The following METTL15 variants were observed in gnomAD, a reference collection of about 807,000 sequenced individuals.
The protein encoded by METTL15 is 12S rRNA N(4)-cytidine methyltransferase METTL15.
METTL15 carries 34 observed loss-of-function variants against 38.3 expected under a neutral mutation model. The observed-to-expected ratio is 0.89, with a 90% CI of 0.68 to 1.18. The LOEUF is 1.18. Among genes scored for constraint, METTL15 ranks in the 50% most tolerant of loss-of-function variants. The pLI is 0.00. For synonymous variants in METTL15, 162 were observed against 170.9 expected, an observed-to-expected ratio of 0.95 and a Z score of 0.41; for missense variants, 438 against 498.4, an observed-to-expected ratio of 0.88 and a Z score of 1.15.
chr11:28,341,691 T>C (rs1849954127), intron 3 of METTL15, among the ~76,000 whole-genome samples: 1 of 152,248 alleles, frequency 6.6e-6, no homozygotes, highest in Admixed American at 6.5e-5. Flanking sequence ...GTTTTTGTTT[T>C]AGTTACCGTT....
At chr11:28,179,082 G>C (rs1393393831) in intron 3 of METTL15, among the ~76,000 whole-genome samples, 1 of 149,564 alleles carries the variant, frequency 6.7e-6, no homozygotes, top group Non-Finnish European at 1.5e-5. Context: ...TTTAAATAGA[G>C]AGAGAAAATG....
At chr11:28,406,689 G>T (rs1056232364) in intron 5 of METTL15, among the ~76,000 whole-genome samples, 2 of 151,990 alleles carry the variant, frequency 1.3e-5, no homozygotes, top group African/African-American at 2.4e-5. Context: ...TTTCTCTTGC[G>T]TGATTGCCCT....
At chr11:28,291,222 G>A (rs936832326) in intron 5 of METTL15, among the ~76,000 whole-genome samples, 1 of 151,694 alleles carries the variant, frequency 6.6e-6, no homozygotes, top group African/African-American at 2.4e-5. Context: ...AATTATTTTT[G>A]TATTAGTAGA....
intron 4 of METTL15, among the ~76,000 whole-genome samples, chr11:28,268,031 A>T (rs1334542833): frequency 6.6e-6 from 1 of 151,580 alleles, no homozygotes; most frequent in African/African-American, 2.4e-5. Flanking sequence ...CCCCGTCTCT[A>T]CTAAAAATAC....
intron 5 of METTL15, among the ~76,000 whole-genome samples, chr11:28,407,656 A>G (rs1162073735): frequency 2.0e-5 from 3 of 152,130 alleles, no homozygotes; most frequent in Non-Finnish European, 4.4e-5. Flanking sequence ...TAAAGAAACA[A>G]CAGATGTTGG....
intron 6 of METTL15, among the ~76,000 whole-genome samples, chr11:28,499,183 G>C (rs1400229774): frequency 6.6e-6 from 1 of 152,104 alleles, no homozygotes; most frequent in African/African-American, 2.4e-5. Context: ...CCTGCCCCTT[G>C]GACCTTTGCC....
intron 6 of METTL15, among the ~76,000 whole-genome samples, chr11:28,475,891 G>C (rs1164185936): frequency 6.6e-6 from 1 of 152,108 alleles, no homozygotes; most frequent in Non-Finnish European, 1.5e-5. Context: ...CAAATTTGGG[G>C]GCCTGCCTCT....
chr11:28,317,023 A>T, intron 6 of METTL15, among the ~76,000 whole-genome samples: 1 of 152,204 alleles, frequency 6.6e-6, no homozygotes, highest in East Asian at 1.9e-4. Flanking sequence ...AAAAATAGTT[A>T]TGAAAAATTT....
intron 6 of METTL15, among the ~76,000 whole-genome samples, chr11:28,512,024 T>C (rs1851678723): frequency 6.6e-6 from 1 of 151,772 alleles, no homozygotes; most frequent in Admixed American, 6.6e-5. Flanking sequence ...AGAGTGTCGA[T>C]TGGTGCATTC....
chr11:28,193,451 A>G (rs1851774573), intron 3 of METTL15, among the ~76,000 whole-genome samples: 1 of 151,930 alleles, frequency 6.6e-6, no homozygotes, highest in South Asian at 2.1e-4. Context: ...TCTTGTAAGA[A>G]CTCTTATCAT....
At chr11:28,458,044 C>G (rs552978064) in intron 6 of METTL15, among the ~76,000 whole-genome samples, 11 of 152,304 alleles carry the variant, frequency 7.2e-5, no homozygotes, top group African/African-American at 2.6e-4. Context: ...AGGATATCAC[C>G]ACCCCTGAGT....
intron 4 of METTL15, among the ~76,000 whole-genome samples, chr11:28,269,999 C>A (rs758326675): frequency 6.6e-6 from 1 of 152,162 alleles, no homozygotes; most frequent in Non-Finnish European, 1.5e-5. Context: ...TATGGAATAA[C>A]TAACTTCAGT....
intron 3 of METTL15, among the ~76,000 whole-genome samples, chr11:28,346,003 G>A (rs905262712): frequency 6.6e-6 from 1 of 152,124 alleles, no homozygotes; most frequent in African/African-American, 2.4e-5. Flanking sequence ...TATAAAAATA[G>A]GAGTAGTCTT....
At chr11:28,273,710 A>G (rs900878663) in intron 4 of METTL15, among the ~76,000 whole-genome samples, 5 of 152,122 alleles carry the variant, frequency 3.3e-5, no homozygotes, top group African/African-American at 1.2e-4. Context: ...CACTGTATAT[A>G]TGTATTAATG....
At chr11:28,477,788 C>T (rs1175458012) in intron 6 of METTL15, among the ~76,000 whole-genome samples, 1 of 152,094 alleles carries the variant, frequency 6.6e-6, no homozygotes, top group Non-Finnish European at 1.5e-5. Context: ...TAATATTCAT[C>T]TTGAGCCATT....
chr11:28,426,073 A>C (rs1169753465), intron 6 of METTL15, among the ~76,000 whole-genome samples: 1 of 152,080 alleles, frequency 6.6e-6, no homozygotes, highest in East Asian at 1.9e-4. Context: ...AACATTAGCT[A>C]TTCTTCCTAA....
chr11:28,237,079 C>T (rs1191553335), intron 4 of METTL15, among the ~76,000 whole-genome samples: 4 of 151,974 alleles, frequency 2.6e-5, no homozygotes, highest in Non-Finnish European at 5.9e-5. Context: ...AATTATGTGT[C>T]TTGGAGTTGC....
At chr11:28,113,246 T>TTCCTTTTCCTGTTTTCTAAGCC (rs1851790770) in intron 2 of METTL15, 72 bp from the exon 3 acceptor site, 1 of 1,049,040 alleles carries the variant, frequency 9.5e-7, no homozygotes, top group Non-Finnish European at 1.4e-6. Flanking sequence ...TGCATATTAA[T>TTCCTTTTCCTGTTTTCTAAGCC]TTGATTTTCC....
intron 5 of METTL15, among the ~76,000 whole-genome samples, chr11:28,387,673 A>G (rs2133389937): frequency 6.6e-6 from 1 of 152,166 alleles, no homozygotes; most frequent in South Asian, 2.1e-4. Context: ...AAGAGGAAGG[A>G]ATGCTTTCAA....
Sources: gnomAD v4.1 joint callset for allele counts (sites outside exome capture counted in the v4.1 genomes callset) on GRCh38, gnomAD v4.1.1 for gene constraint, MANE v1.5 for transcripts, NCBI Gene and HGNC (gene_info 2026-07-23, HGNC 2026-07-21) for gene names.